Variants in AUTS2 observed in about 807,000 individuals in gnomAD.
The protein encoded by AUTS2 is autism susceptibility gene 2 protein.
AUTS2 carries 17 observed loss-of-function variants against 112.4 expected under a neutral mutation model. The ratio of observed to expected loss-of-function variants is 0.15; its 90% CI spans 0.10 to 0.23. The LOEUF is 0.23. Among genes scored for constraint, AUTS2 ranks in the 10% least tolerant of loss-of-function variants. The pLI is 1.00. For missense variants in AUTS2, 1,510 were observed against 1,701.6 expected (o/e 0.89, Z 1.98); for synonymous variants, 751 against 702.7 (o/e 1.07, Z -1.09).
At chr7:70,475,897 T>C (rs373159425) in intron 5 of AUTS2, among the ~76,000 whole-genome samples, 5 of 152,130 alleles carry the variant, frequency 3.3e-5, no homozygotes, top group East Asian at 3.9e-4. Context: ...GGTATGGTGG[T>C]GGGTGCCTGT....
chr7:69,965,392 A>G (rs1374264092), intron 2 of AUTS2, among the ~76,000 whole-genome samples: 1 of 152,190 alleles, frequency 6.6e-6, no homozygotes, highest in African/African-American at 2.4e-5. Flanking sequence ...GACTGTAGCT[A>G]TGATTGATGC....
intron 4 of AUTS2, among the ~76,000 whole-genome samples, chr7:70,247,498 A>G (rs1271119180): frequency 6.6e-6 from 1 of 152,170 alleles, no homozygotes; most frequent in Non-Finnish European, 1.5e-5. Flanking sequence ...TACACACTTA[A>G]TGGTTAAAAT....
At chr7:70,043,589 CT>C (rs1801352369) in intron 2 of AUTS2, among the ~76,000 whole-genome samples, 1 of 97,882 alleles carries the variant, frequency 1.0e-5, no homozygotes, top group African/African-American at 4.2e-5. Flanking sequence ...TCCTTCCTTC[CT>C]TCCTTCCTTC....
intron 1 of AUTS2, among the ~76,000 whole-genome samples, chr7:69,603,160 T>C (rs1012159774): frequency 1.3e-5 from 2 of 152,236 alleles, no homozygotes; most frequent in African/African-American, 4.8e-5. Flanking sequence ...GCTGGTATGA[T>C]ATTGTGAAAA....
intron 1 of AUTS2, among the ~76,000 whole-genome samples, chr7:69,666,705 C>A (rs1403987587): frequency 1.3e-5 from 2 of 151,972 alleles, no homozygotes; most frequent in African/African-American, 4.8e-5. Context: ...AGTTCCAGAC[C>A]AGCCTAGGCA....
At chr7:70,420,576 A>G (rs988406729) in intron 4 of AUTS2, among the ~76,000 whole-genome samples, 2 of 152,258 alleles carry the variant, frequency 1.3e-5, no homozygotes, top group African/African-American at 4.8e-5. Context: ...GGGGGATGAC[A>G]ATAAACTCTG....
At chr7:69,642,892 A>T (rs1183639235) in intron 1 of AUTS2, among the ~76,000 whole-genome samples, 1 of 152,234 alleles carries the variant, frequency 6.6e-6, no homozygotes, top group East Asian at 1.9e-4. Flanking sequence ...GCCTTAAAAT[A>T]ATACACATTT....
At chr7:69,863,265 A>G (rs550502788) in intron 1 of AUTS2, among the ~76,000 whole-genome samples, 1 of 152,338 alleles carries the variant, frequency 6.6e-6, no homozygotes, top group Admixed American at 6.5e-5. Context: ...TCCCTAAACA[A>G]TATAGTATAA....
intron 6 of AUTS2, among the ~76,000 whole-genome samples, chr7:70,707,980 A>C (rs1402401500): frequency 2.0e-5 from 3 of 152,184 alleles, no homozygotes; most frequent in Non-Finnish European, 4.4e-5. Flanking sequence ...TTGTCTTCTA[A>C]AGGAGGAGGC....
intron 1 of AUTS2, among the ~76,000 whole-genome samples, chr7:69,611,013 A>G (rs902052278): frequency 6.6e-6 from 1 of 152,206 alleles, no homozygotes; most frequent in Non-Finnish European, 1.5e-5. Flanking sequence ...CCTTTGCTAA[A>G]TTTTTGGAAT....
chr7:69,623,780 C>T (rs144984776), intron 1 of AUTS2, among the ~76,000 whole-genome samples: 2 of 152,096 alleles, frequency 1.3e-5, no homozygotes, highest in East Asian at 3.9e-4. Flanking sequence ...GTGTAGTGTA[C>T]AGCTCAATGA....
At chr7:70,735,659 T>C (rs1250076238) in intron 6 of AUTS2, among the ~76,000 whole-genome samples, 1 of 152,132 alleles carries the variant, frequency 6.6e-6, no homozygotes, top group Admixed American at 6.5e-5. Context: ...GGCTCTACTG[T>C]GGTGCTTTAA....
At chr7:70,441,529 G>A (rs774770002) in intron 5 of AUTS2, among the ~76,000 whole-genome samples, 6 of 152,118 alleles carry the variant, frequency 3.9e-5, no homozygotes, top group Non-Finnish European at 7.4e-5. Flanking sequence ...GGGACTACAG[G>A]TGTGTACCAC....
Position 69,599,334 on chromosome 7 carries a change from T to C in AUTS2, c.-320T>C, listed in dbSNP as rs1351861161. On this transcript the variant is annotated 5_prime_UTR_variant, in exon 1 of 19. Coordinates refer to ENST00000342771, the MANE Select transcript of AUTS2 (RefSeq NM_015570.4). The surrounding 1 kb of genome is among the most constrained non-coding windows in gnomAD (Gnocchi z 7.0). ...ATTTTTTTTTCCTCTAAAGGAGACC[T>C]GTGTGTTCAGCCATTACTTTGCTCG... 3.5e-6 allele frequency: 1 copy of C among 283,318 alleles called. No individual in the cohort carries two copies. Among genetic ancestry groups the C allele is most frequent in the Non-Finnish European group, 6.6e-6 (1 of 152,316 alleles). The allele number at this position is 283,318 out of a possible 1,614,324, so 17.6% of individuals were successfully genotyped here. A position where few individuals can be genotyped will look rare whatever the true frequency, so the allele number is the denominator to read the frequency against.
intron 4 of AUTS2, among the ~76,000 whole-genome samples, chr7:70,205,124 C>A (rs1174934651): frequency 6.6e-6 from 1 of 152,046 alleles, no homozygotes; most frequent in Non-Finnish European, 1.5e-5. Flanking sequence ...CCCACTGCAA[C>A]CTCAAACCCA....
intron 5 of AUTS2, among the ~76,000 whole-genome samples, chr7:70,480,253 A>G (rs1226833587): frequency 1.3e-5 from 2 of 152,232 alleles, no homozygotes; most frequent in African/African-American, 2.4e-5. Flanking sequence ...TTGAGCCAGG[A>G]GTGTGAGCCG....
intron 5 of AUTS2, among the ~76,000 whole-genome samples, chr7:70,589,126 C>T (rs1303324188): frequency 6.6e-6 from 1 of 152,238 alleles, no homozygotes; most frequent in Non-Finnish European, 1.5e-5. Flanking sequence ...ACAGTGGGGG[C>T]CCTTTCCCTA....
chr7:70,455,800 A>C (rs1297429215), intron 5 of AUTS2, among the ~76,000 whole-genome samples: 1 of 152,160 alleles, frequency 6.6e-6, no homozygotes, highest in Non-Finnish European at 1.5e-5. Flanking sequence ...AATTAAAAAA[A>C]AGAAGTTTCC....
intron 5 of AUTS2, among the ~76,000 whole-genome samples, chr7:70,609,382 A>C (rs1803949835): frequency 6.7e-6 from 1 of 149,016 alleles, no homozygotes; most frequent in African/African-American, 2.5e-5. Context: ...GTCCCAGAGG[A>C]CAGGATTGTC....
Sources: allele counts gnomAD v4.1 joint callset (sites outside exome capture counted in the v4.1 genomes callset), GRCh38; gene constraint gnomAD v4.1.1; non-coding constraint Gnocchi (gnomAD v3.1); transcripts MANE v1.5; gene names NCBI Gene and HGNC (gene_info 2026-07-23, HGNC 2026-07-21).